Variants in SLC8A1 observed in about 807,000 individuals in gnomAD.
SLC8A1 encodes the protein solute carrier family 8 member A1, also known as sodium/calcium exchanger 1.
In SLC8A1, 18 loss-of-function variants were observed where a neutral mutation model predicts 68.3. That is an observed-to-expected ratio of 0.26 (90% CI 0.18 to 0.39). The LOEUF is 0.39. Ranked by LOEUF, SLC8A1 falls within the 10% of genes least tolerant of loss-of-function variation. The probability of loss-of-function intolerance (pLI) is 1.00; values close to 1 mark genes in which losing one functional copy is unlikely to be tolerated. For missense variants in SLC8A1, 985 were observed against 1,156.7 expected, an observed-to-expected ratio of 0.85 and a Z score of 2.15; for synonymous variants, 475 against 415.5, an observed-to-expected ratio of 1.14 and a Z score of -1.74.
chr2:40,172,426 G>A (rs1414014296), intron 4 of SLC8A1, among the ~76,000 whole-genome samples: 1 of 152,082 alleles, frequency 6.6e-6, no homozygotes, highest in African/African-American at 2.4e-5. Context: ...TCAGCCATAG[G>A]AAGAACTTAA....
At chr2:40,397,329 AG>A (rs1482697292) in intron 2 of SLC8A1, among the ~76,000 whole-genome samples, 2 of 152,346 alleles carry the variant, frequency 1.3e-5, no homozygotes, top group African/African-American at 4.8e-5. Context: ...GATAAAAACA[AG>A]CATTATAGAT....
At chr2:40,456,316 CAAAAAAAAA>C (rs67747641), upstream of SLC8A1, among the ~76,000 whole-genome samples, 4 of 102,404 alleles carry the variant, frequency 3.9e-5, no homozygotes, top group Non-Finnish European at 7.8e-5. Context: ...GACTCCGTCT[CAAAAAAAAA>C]AAAAAAAAAA....
chr2:40,250,881 A>G (rs559847212), intron 2 of SLC8A1: 78 of 152,306 alleles, frequency 5.1e-4, no homozygotes, highest in African/African-American at 1.8e-3. Flanking sequence ...TGTAGTTCCA[A>G]TGATTGATTG....
chr2:40,292,786 G>T (rs532209514), intron 2 of SLC8A1, among the ~76,000 whole-genome samples: 11 of 152,232 alleles, frequency 7.2e-5, no homozygotes, highest in African/African-American at 2.6e-4. Context: ...TTAAGACTTT[G>T]AATAGTGCTA....
chr2:40,493,339 C>A (rs777464816), intron 1 of SLC8A1, among the ~76,000 whole-genome samples: 1 of 42,498 alleles, frequency 2.4e-5, no homozygotes, highest in African/African-American at 1.0e-4. Flanking sequence ...TCTCTGGGGA[C>A]TGTTGTGGGG....
rs375725887 is a variant in SLC8A1, at chr2:40,263,327, G to C, written c.1809-85472C>G. On this transcript the variant is annotated intron_variant, in intron 2 of 7. Coordinates refer to ENST00000406785, the Ensembl canonical transcript of SLC8A1. ...AACATATAATAGCAACACAGTGCTA[G>C]CTGTAATTCAATTGGAAAAAACTAC... Among the ~76,000 whole-genome samples the C allele has an allele frequency of 1.2e-3, 184 of 152,282 alleles. 1 individual carries two copies. The highest frequency in any genetic ancestry group is 4.2e-3 in the African/African-American group (173 of 41,568).
At chr2:40,461,977 C>T in intron 1 of SLC8A1, among the ~76,000 whole-genome samples, 1 of 126,672 alleles carries the variant, frequency 7.9e-6, no homozygotes. Flanking sequence ...GATGTTTATC[C>T]TCTCATTTTA....
intron 1 of SLC8A1, among the ~76,000 whole-genome samples, chr2:40,432,910 C>T (rs1049667653): frequency 2.0e-5 from 3 of 151,972 alleles, no homozygotes; most frequent in Admixed American, 2.0e-4. Context: ...GGCAGGTATA[C>T]AAAATGGTAC....
upstream of SLC8A1, among the ~76,000 whole-genome samples, chr2:40,455,757 G>T (rs1559742537): frequency 1.3e-5 from 2 of 152,128 alleles, no homozygotes; most frequent in Admixed American, 6.5e-5. Context: ...CTCTTCCCTG[G>T]AGACTTGTTC....
At chr2:40,450,556 A>G (rs1446006214) in intron 1 of SLC8A1, among the ~76,000 whole-genome samples, 1 of 152,308 alleles carries the variant, frequency 6.6e-6, no homozygotes, top group East Asian at 1.9e-4. Context: ...CCACCTACTC[A>G]GCTAGAGGCT....
At chr2:40,186,603 T>G (rs969528697) in intron 2 of SLC8A1, among the ~76,000 whole-genome samples, 2 of 152,164 alleles carry the variant, frequency 1.3e-5, no homozygotes, top group Non-Finnish European at 2.9e-5. Context: ...ATGGATTCAT[T>G]TGGGGGGATA....
intron 2 of SLC8A1, among the ~76,000 whole-genome samples, chr2:40,344,596 C>G (rs965152405): frequency 3.3e-5 from 5 of 152,058 alleles, no homozygotes; most frequent in Non-Finnish European, 7.4e-5. Flanking sequence ...GAAATGTACT[C>G]AAAAAGCATC....
At chr2:40,174,151 A>G (rs2048041458) in intron 4 of SLC8A1, among the ~76,000 whole-genome samples, 1 of 152,126 alleles carries the variant, frequency 6.6e-6, no homozygotes, top group African/African-American at 2.4e-5. Context: ...AGAAACCCTC[A>G]GATTGGTGTG....
intron 2 of SLC8A1, among the ~76,000 whole-genome samples, chr2:40,207,269 T>C (rs988773054): frequency 1.3e-5 from 2 of 152,022 alleles, no homozygotes; most frequent in African/African-American, 4.8e-5. Flanking sequence ...ATATGTTCCA[T>C]CCACTGGGAG....
chr2:40,323,382 T>C (rs1466498565), intron 2 of SLC8A1, among the ~76,000 whole-genome samples: 1 of 152,212 alleles, frequency 6.6e-6, no homozygotes, highest in Non-Finnish European at 1.5e-5. Flanking sequence ...AATTGTCATG[T>C]CTGAATCTCA....
intron 2 of SLC8A1, among the ~76,000 whole-genome samples, chr2:40,407,711 C>T (rs953779335): frequency 5.9e-5 from 9 of 152,176 alleles, no homozygotes; most frequent in African/African-American, 2.2e-4. Context: ...ATCTTGTTTA[C>T]CCTTATGTCC....
intron 1 of SLC8A1, among the ~76,000 whole-genome samples, chr2:40,430,902 CCA>C (rs1237047242): frequency 1.3e-5 from 2 of 152,128 alleles, no homozygotes; most frequent in Admixed American, 6.5e-5. Context: ...TCCTATTGCT[CCA>C]CACTTACTTG....
At chr2:40,177,655 A>T in intron 3 of SLC8A1, 3 of 749,928 alleles carry the variant, frequency 4.0e-6, no homozygotes, top group Non-Finnish European at 6.9e-6. Flanking sequence ...TAGTACTTGG[A>T]AGCCGAGGAA....
chr2:40,329,204 C>A (rs962038724), intron 2 of SLC8A1, among the ~76,000 whole-genome samples: 1 of 152,046 alleles, frequency 6.6e-6, no homozygotes, highest in Non-Finnish European at 1.5e-5. Flanking sequence ...ATTCTCTGGC[C>A]CATTGAAACC....
Sources: allele counts gnomAD v4.1 joint callset (sites outside exome capture counted in the v4.1 genomes callset), GRCh38; gene constraint gnomAD v4.1.1; transcripts MANE v1.5; gene names NCBI Gene and HGNC (gene_info 2026-07-23, HGNC 2026-07-21).